TTI1: variants seen among roughly 807,000 people sequenced by gnomAD.
TTI1 encodes TELO2 interacting protein 1, also known as TELO2-interacting protein 1 homolog.
In TTI1, 52 loss-of-function variants were observed where a neutral mutation model predicts 85.4. The ratio of observed to expected loss-of-function variants is 0.61; its 90% CI spans 0.49 to 0.77. The LOEUF is 0.77. TTI1 is among the 30% of genes least tolerant of loss of function. The pLI is 0.00. For missense variants in TTI1, 1,173 were observed against 1,296.0 expected (o/e 0.91, Z 1.46); for synonymous variants, 512 against 503.9 (o/e 1.02, Z -0.22).
intron 1 of TTI1, among the ~76,000 whole-genome samples, chr20:38,031,501 T>G (rs576600337): frequency 1.5e-4 from 23 of 152,362 alleles, no homozygotes; most frequent in African/African-American, 5.5e-4. Flanking sequence ...AGTAAAAGAC[T>G]ACCCACCTAC....
intron 6 of TTI1, 51 bp from the exon 7 acceptor site, chr20:37,996,513 A>G: frequency 6.3e-7 from 1 of 1,596,166 alleles, no homozygotes; most frequent in Non-Finnish European, 8.6e-7. Flanking sequence ...TTCATTTGGG[A>G]CAAGCAGTGA....
chr20:38,021,392 A>G (rs1433374101), intron 1 of TTI1, among the ~76,000 whole-genome samples: 3 of 152,194 alleles, frequency 2.0e-5, no homozygotes, highest in Admixed American at 2.0e-4. Context: ...AGCCTTAGGA[A>G]TCCTACATTC....
chr20:37,985,558 C>T (rs1283057818), intron 7 of TTI1, among the ~76,000 whole-genome samples: 9 of 150,524 alleles, frequency 6.0e-5, no homozygotes, highest in Non-Finnish European at 1.2e-4. Context: ...GACAGAGTCT[C>T]ACTCTGTTGC....
chr20:38,020,900 G>A (rs146083486), intron 1 of TTI1, among the ~76,000 whole-genome samples: 61 of 152,268 alleles, frequency 4.0e-4, no homozygotes, highest in Middle Eastern at 3.4e-3. Flanking sequence ...GCTGGTGGGC[G>A]TATAAATCAG....
rs537143088 is a variant in TTI1, at chr20:37,983,681, G to A, written c.3087-42C>T. On this transcript the variant is annotated intron_variant, in intron 7 of 7. Coordinates refer to ENST00000373447, the MANE Select transcript of TTI1 (RefSeq NM_001303457.2). ...AGGAGTGAGTAGAGGGTACAGAGAG[G>A]GAAGGCGGGGAATGCTACAGCCCCA... The A allele has an allele frequency of 9.1e-6, 13 of 1,436,172 alleles. No homozygotes were observed. In the East Asian group the frequency reaches 3.2e-4, roughly 35 times the overall value. 89.0% of individuals were successfully genotyped at this position (1,436,172 alleles called of 1,614,324 possible).
Position 38,012,580 on chromosome 20 carries a change from G to A in TTI1, c.1237C>T (p.Pro413Ser). ...GAGTTGAGGACAAAGTTTATTTTTG[G>A]GCCCAAGAGTTTCAGATAACCAAGT... is the stretch of plus-strand genomic sequence containing the variant. ...LLLGYLKLLG[P>S]KINFVLNSVA... Residue 413 changes from proline to serine, a missense_variant, in exon 2 of 8, where the codon CCA (proline) becomes TCA (serine). Transcript: ENST00000373447. 1 of 1,614,092 alleles carries A rather than the reference G, an allele frequency of 6.2e-7. No homozygotes were observed. The highest frequency in any genetic ancestry group is 1.1e-5 in the South Asian group (1 of 91,072).
In TTI1 at chr20:38,013,187, T is replaced by C; in HGVS notation, c.630A>G (p.Leu210=). The change falls in exon 2 of 8, where the codon TTA becomes TTG. Residue 210 remains leucine (L), a synonymous_variant. Coordinates refer to ENST00000373447, the MANE Select transcript of TTI1 (RefSeq NM_001303457.2). ...TGGTCAGTGCAGTTGAGATTCCAGG[T>C]AAAAAAGAGGCAAACAAATCCCCCA... ...KQLGDLFASF[L]PGISTALTRL... The C allele has an allele frequency of 6.2e-7, 1 of 1,614,126 alleles. No individual in the cohort carries two copies. Among genetic ancestry groups the C allele is most frequent in the East Asian group, 2.2e-5 (1 of 44,882 alleles).
intron 1 of TTI1, among the ~76,000 whole-genome samples, chr20:38,025,999 A>G (rs749893162): frequency 6.6e-6 from 1 of 152,262 alleles, no homozygotes; most frequent in Non-Finnish European, 1.5e-5. Flanking sequence ...ATAATGGCTG[A>G]AAACGCCACA....
intron 5 of TTI1, 105 bp downstream of exon 5, chr20:37,999,083 T>C: frequency 8.3e-7 from 1 of 1,201,728 alleles, no homozygotes; most frequent in Non-Finnish European, 1.1e-6. Flanking sequence ...TCACAGTATG[T>C]GACATTGCAA....
intron 7 of TTI1, among the ~76,000 whole-genome samples, chr20:37,988,411 T>C (rs1458302912): frequency 6.6e-6 from 1 of 152,206 alleles, no homozygotes; most frequent in Non-Finnish European, 1.5e-5. Flanking sequence ...TTACAGAATA[T>C]GTTCTCACCA....
intron 1 of TTI1, among the ~76,000 whole-genome samples, chr20:38,018,822 G>C (rs1197770131): frequency 1.3e-5 from 2 of 150,148 alleles, no homozygotes; most frequent in African/African-American, 4.9e-5. Flanking sequence ...AACCAACTTT[G>C]AATTTTACAG....
intron 7 of TTI1, among the ~76,000 whole-genome samples, chr20:37,991,936 AAAATG>A (rs1280170403): frequency 6.6e-6 from 1 of 152,238 alleles, no homozygotes; most frequent in Non-Finnish European, 1.5e-5. Flanking sequence ...ACAGAGGAAG[AAAATG>A]AAATGAAGCT....
rs1488037641 is a variant in TTI1 at position 38,012,144 on chromosome 20, G to T, written c.1673C>A (p.Thr558Lys). Residue 558 changes from threonine (T) to lysine (K), a missense_variant, in exon 2 of 8, where the codon ACA (threonine) becomes AAA (lysine). Transcript: ENST00000373447. ...ACTTGTGTATTCTTCAAGTATAGAT[G>T]TCACAATCTCTCTCAGTTCTTCTGG... The part of the protein sequence containing the change: ...TNPEELREIV[T>K]SILEEYTSQE... The T allele has an allele frequency of 6.2e-7, 1 of 1,614,168 alleles. No individual in the cohort carries two copies. The highest frequency in any genetic ancestry group is 2.2e-5 in the East Asian group (1 of 44,878).
At chr20:37,996,309 G>T (rs1397457189) in intron 7 of TTI1, 66 bp downstream of exon 7, 5 of 1,551,010 alleles carry the variant, frequency 3.2e-6, no homozygotes, top group Non-Finnish European at 4.4e-6. Context: ...AACTCTGCTT[G>T]CCATTAGCAA....
intron 1 of TTI1, among the ~76,000 whole-genome samples, chr20:38,029,898 G>GAGTC (rs1482955805): frequency 6.6e-6 from 1 of 152,122 alleles, no homozygotes; most frequent in Non-Finnish European, 1.5e-5. Context: ...GGACTCTGCA[G>GAGTC]AGTCCCCACC....
Position 38,030,530 on chromosome 20 carries a change from C to A in TTI1, c.-42+2874G>T, listed in dbSNP as rs1455966451. On this transcript the variant is annotated intron_variant, in intron 1 of 7. Transcript: ENST00000373447. ...TTAGGAAATTCAGCAGTATGTAAAA[C>A]ACACACACACACACACACACACACA... 5.7e-5 allele frequency among the ~76,000 whole-genome samples: 8 copies of A among 141,090 alleles called. No homozygotes were observed. The East Asian group carries it at 1.4e-3, about 25-fold the overall frequency. The allele number at this position is 141,090 out of a possible 152,430, so 92.6% of individuals were successfully genotyped here.
At position 37,983,379 on chromosome 20, in the gene TTI1, T is replaced by C. The variant is rs530633160; in HGVS notation, c.*77A>G. On this transcript the variant is annotated 3_prime_UTR_variant, in exon 8 of 8. Coordinates refer to ENST00000373447, the MANE Select transcript of TTI1 (RefSeq NM_001303457.2). ...TCTCTGCTGCCGCTGCCACCGCCTA[T>C]GGCCGGGGTGGGGTCAGCCCAGCTT... is the stretch of plus-strand genomic sequence containing the variant. 47 of 1,478,968 alleles carry C rather than the reference T, an allele frequency of 3.2e-5. No homozygotes were observed. The South Asian group carries it at 5.4e-4, about 17-fold the overall frequency. 91.6% of individuals were successfully genotyped at this position (1,478,968 alleles called of 1,614,324 possible).
intron 1 of TTI1, among the ~76,000 whole-genome samples, chr20:38,024,731 C>CT (rs1156394049): frequency 6.6e-6 from 1 of 152,190 alleles, no homozygotes; most frequent in Non-Finnish European, 1.5e-5. Flanking sequence ...TCTCATAAGT[C>CT]TGTAATGAGG....
intron 1 of TTI1, among the ~76,000 whole-genome samples, chr20:38,021,350 T>C (rs2073768953): frequency 2.6e-5 from 4 of 152,236 alleles, no homozygotes; most frequent in African/African-American, 9.6e-5. Flanking sequence ...TGACAATATG[T>C]CAATTACAGA....
Sources: allele counts gnomAD v4.1 joint callset (sites outside exome capture counted in the v4.1 genomes callset), GRCh38; gene constraint gnomAD v4.1.1; transcripts MANE v1.5; gene names NCBI Gene and HGNC (gene_info 2026-07-23, HGNC 2026-07-21).